Variants in BPIFB1 observed in about 807,000 individuals in gnomAD.
The protein encoded by BPIFB1 is BPI fold containing family B member 1.
A neutral mutation model predicts 55.1 loss-of-function variants in BPIFB1; 34 were observed. The ratio of observed to expected loss-of-function variants is 0.62; its 90% CI spans 0.47 to 0.82. The LOEUF (loss-of-function observed/expected upper bound fraction) is 0.82. BPIFB1 is among the 40% of genes least tolerant of loss of function. The pLI is 0.00. For missense variants in BPIFB1, 532 were observed against 593.1 expected (o/e 0.90, Z 1.07); for synonymous variants, 236 against 245.3 (o/e 0.96, Z 0.35).
chr20:33,305,203 C>T (rs78957103), intron 13 of BPIFB1, among the ~76,000 whole-genome samples: 1,677 of 152,214 alleles, frequency 0.011, 30 homozygotes, highest in African/African-American at 0.038. Context: ...CACACGTAGA[C>T]GCGCCTCAGT....
intron 2 of BPIFB1, among the ~76,000 whole-genome samples, chr20:33,286,671 G>A (rs1600660691): frequency 6.6e-6 from 1 of 152,200 alleles, no homozygotes; most frequent in Admixed American, 6.5e-5. Flanking sequence ...AAATAAGAGG[G>A]CCTTCCTCAC....
chr20:33,303,663 A>G (rs547079645), intron 11 of BPIFB1, among the ~76,000 whole-genome samples: 1 of 152,308 alleles, frequency 6.6e-6, no homozygotes, highest in Admixed American at 6.5e-5. Flanking sequence ...TGGGCCACCT[A>G]CACACTAGGG....
chr20:33,302,489 G>A, intron 10 of BPIFB1, 77 bp downstream of exon 10: 1 of 1,473,934 alleles, frequency 6.8e-7, no homozygotes, highest in Non-Finnish European at 9.5e-7. Context: ...GGAGAATCTA[G>A]TGGGACTAGT....
At chr20:33,306,123 T>G (rs1322970880) in intron 14 of BPIFB1, 58 bp downstream of exon 14, 1 of 1,578,718 alleles carries the variant, frequency 6.3e-7, no homozygotes, top group Non-Finnish European at 8.7e-7. Context: ...TTACTTCCCC[T>G]GCCCTCATCT....
chr20:33,290,616 G>C (rs1980435180), intron 4 of BPIFB1, among the ~76,000 whole-genome samples: 1 of 152,164 alleles, frequency 6.6e-6, no homozygotes, highest in African/African-American at 2.4e-5. Context: ...CTGGCAGGAT[G>C]GAGTGGTCAG....
At chr20:33,286,993 G>T (rs1211245301) in intron 2 of BPIFB1, among the ~76,000 whole-genome samples, 1 of 152,234 alleles carries the variant, frequency 6.6e-6, no homozygotes, top group African/African-American at 2.4e-5. Context: ...CATTCAGGGG[G>T]ACTAGGGGCC....
intron 8 of BPIFB1, among the ~76,000 whole-genome samples, chr20:33,300,925 G>A (rs1421402851): frequency 6.6e-6 from 1 of 152,134 alleles, no homozygotes; most frequent in Non-Finnish European, 1.5e-5. Context: ...GAAAACTGCA[G>A]CATCAAATCG....
At chr20:33,308,359 C>T (rs1455406176) in intron 15 of BPIFB1, among the ~76,000 whole-genome samples, 2 of 152,124 alleles carry the variant, frequency 1.3e-5, no homozygotes, top group African/African-American at 4.8e-5. Context: ...GTTGGTGTTC[C>T]AGGAAAGATG....
intron 6 of BPIFB1, 43 bp from the exon 7 acceptor site, chr20:33,297,482 T>G (rs1271172990): frequency 6.2e-7 from 1 of 1,609,506 alleles, no homozygotes; most frequent in Non-Finnish European, 8.5e-7. Context: ...GGGGCTGCAT[T>G]CTGGCCCCTC....
rs1452681101 is a variant in BPIFB1 at position 33,302,820 on chromosome 20, G to C, written c.982-96G>C. The C allele has an allele frequency of 6.4e-6, 9 of 1,403,050 alleles. No individual in the cohort carries two copies. The Admixed American group carries it at 1.8e-4, about 27-fold the overall frequency. The allele number at this position is 1,403,050 out of a possible 1,614,324, so 86.9% of individuals were successfully genotyped here. On this transcript the variant is annotated intron_variant, in intron 10 of 15. Coordinates refer to ENST00000253354, the MANE Select transcript of BPIFB1 (RefSeq NM_033197.3). ...TGGCTGGAACACGTGAGGGAGCAGG[G>C]AGCCCAGGAAGGCAGGCAGGGGCCA...
intron 7 of BPIFB1, chr20:33,299,175 C>T (rs1980760552): frequency 6.6e-6 from 3 of 456,582 alleles, no homozygotes; most frequent in Middle Eastern, 6.5e-4. Flanking sequence ...AAACCGAAGT[C>T]CAGCTGGCTC....
chr20:33,290,809 T>A, intron 4 of BPIFB1, 148 bp from the exon 5 acceptor site: 2 of 828,964 alleles, frequency 2.4e-6, no homozygotes, highest in South Asian at 3.6e-5. Context: ...GCCTGGGACA[T>A]GCTGGGGTGA....
intron 1 of BPIFB1, among the ~76,000 whole-genome samples, chr20:33,283,987 G>T (rs1430039395): frequency 1.3e-5 from 2 of 152,172 alleles, no homozygotes; most frequent in African/African-American, 4.8e-5. Flanking sequence ...CCACAGGGGT[G>T]CCTGGATGCC....
chr20:33,308,613 TAC>T (rs774721855), intron 15 of BPIFB1, among the ~76,000 whole-genome samples: 1 of 88,056 alleles, frequency 1.1e-5, no homozygotes, highest in African/African-American at 4.6e-5. Flanking sequence ...TACACATACA[TAC>T]ACACACACAC....
At chr20:33,289,847 C>A in intron 3 of BPIFB1, 38 bp from the exon 4 acceptor site, 1 of 1,563,244 alleles carries the variant, frequency 6.4e-7, no homozygotes, top group East Asian at 2.2e-5. Context: ...AATAATGAGC[C>A]GGAGGCATGA....
intron 5 of BPIFB1, 51 bp from the exon 6 acceptor site, chr20:33,291,856 G>T: frequency 6.7e-7 from 1 of 1,500,948 alleles, no homozygotes; most frequent in Non-Finnish European, 9.3e-7. Flanking sequence ...AGAGGAAGGG[G>T]TGATCATCTC....
At chr20:33,290,100 G>C (rs765763875) in intron 4 of BPIFB1, 108 bp downstream of exon 4, 25 of 850,638 alleles carry the variant, frequency 2.9e-5, no homozygotes, top group Admixed American at 4.1e-5. Context: ...TCCGAGCAGA[G>C]AGAAGAGCAA....
chr20:33,305,025 C>G, intron 13 of BPIFB1, 134 bp downstream of exon 13: 1 of 967,032 alleles, frequency 1.0e-6, no homozygotes. Context: ...CCGGTCTCCA[C>G]CAAAGTCCAA....
intron 7 of BPIFB1, chr20:33,299,316 G>A (rs1447536394): frequency 2.8e-5 from 11 of 398,158 alleles, no homozygotes; most frequent in African/African-American, 8.3e-5. Context: ...TGGCGGCCAA[G>A]TGGGGAATTC....
Sources: allele counts gnomAD v4.1 joint callset (sites outside exome capture counted in the v4.1 genomes callset), GRCh38; gene constraint gnomAD v4.1.1; transcripts MANE v1.5; gene names NCBI Gene and HGNC (gene_info 2026-07-23, HGNC 2026-07-21).